Variants in GMDS observed in about 807,000 individuals in gnomAD.
GMDS encodes the protein GDP-mannose 4,6 dehydratase.
In GMDS, 20 loss-of-function variants were observed where a neutral mutation model predicts 49.9. The ratio of observed to expected loss-of-function variants is 0.40; its 90% CI spans 0.28 to 0.58. The LOEUF is 0.58. Ranked by LOEUF, GMDS falls within the 20% of genes least tolerant of loss-of-function variation. The pLI is 0.42. For synonymous variants in GMDS, 177 were observed against 178.6 expected (o/e 0.99, Z 0.07); for missense variants, 362 against 481.4 (o/e 0.75, Z 2.32).
At chr6:1,636,291 T>C (rs924941464) in intron 9 of GMDS, among the ~76,000 whole-genome samples, 3 of 152,160 alleles carry the variant, frequency 2.0e-5, no homozygotes, top group Non-Finnish European at 2.9e-5. Context: ...CTAAAAAGCC[T>C]GTTGGCGTAG....
intron 9 of GMDS, among the ~76,000 whole-genome samples, chr6:1,714,916 G>A (rs1766119182): frequency 6.6e-6 from 1 of 152,240 alleles, no homozygotes. Context: ...GCTGTAATAT[G>A]GCATCACCAG....
At chr6:2,004,239 C>T (rs1767013423) in intron 4 of GMDS, among the ~76,000 whole-genome samples, 1 of 152,122 alleles carries the variant, frequency 6.6e-6, no homozygotes, top group African/African-American at 2.4e-5. Context: ...ACGCCTACAG[C>T]CTAAAAGGAG....
Position 1,640,540 on chromosome 6 carries a change from C to T in GMDS, c.988-16000G>A, listed in dbSNP as rs1297502240. Among the ~76,000 whole-genome samples, 7 of 152,182 alleles carry T rather than the reference C, an allele frequency of 4.6e-5. No individual in the cohort carries two copies. Among genetic ancestry groups the T allele is most frequent in the African/African-American group, 1.2e-4 (5 of 41,436 alleles). On this transcript the variant is annotated intron_variant, in intron 9 of 10. Coordinates refer to ENST00000380815, the MANE Select transcript of GMDS (RefSeq NM_001500.4). This position sits in a 1 kb window ranked among gnomAD's most constrained non-coding sequence, Gnocchi z 4.0. The stretch of plus-strand genomic sequence containing the variant: ...CGGCTCTCTGAGGCTATCCCATGCC[C>T]GTGGAACATGCTGGATGTGGCTGTG...
chr6:1,983,369 G>C (rs543392678), intron 4 of GMDS, among the ~76,000 whole-genome samples: 1 of 152,172 alleles, frequency 6.6e-6, no homozygotes, highest in African/African-American at 2.4e-5. Flanking sequence ...AAAAGCAAAA[G>C]TTGAGAAATT....
At chr6:2,143,348 G>A (rs908110272) in intron 1 of GMDS, among the ~76,000 whole-genome samples, 4 of 152,046 alleles carry the variant, frequency 2.6e-5, no homozygotes, top group African/African-American at 9.7e-5. Context: ...AGAGCCACAC[G>A]GGCTCTCCTT....
At chr6:1,825,892 T>G (rs548323051) in intron 7 of GMDS, among the ~76,000 whole-genome samples, 3 of 152,156 alleles carry the variant, frequency 2.0e-5, no homozygotes, top group Non-Finnish European at 4.4e-5. Context: ...GGCATGCACA[T>G]GTAATCCCAG....
intron 2 of GMDS, among the ~76,000 whole-genome samples, chr6:2,122,927 CA>C (rs1775220460): frequency 6.6e-6 from 1 of 152,170 alleles, no homozygotes; most frequent in African/African-American, 2.4e-5. Context: ...TATGATTTGC[CA>C]AGTGGGCCTT....
intron 2 of GMDS, among the ~76,000 whole-genome samples, chr6:2,121,856 A>G (rs9501804): frequency 0.023 from 3,442 of 152,256 alleles, 128 homozygotes; most frequent in African/African-American, 0.078. Context: ...GCTCTCCTGC[A>G]TGCTCCCCTC....
At chr6:2,155,740 T>C (rs1371847568) in intron 1 of GMDS, among the ~76,000 whole-genome samples, 2 of 152,176 alleles carry the variant, frequency 1.3e-5, no homozygotes, top group Non-Finnish European at 2.9e-5. Context: ...GATACCAGTT[T>C]CCTCTTAAGC....
At chr6:1,660,057 C>T (rs1331105499) in intron 9 of GMDS, among the ~76,000 whole-genome samples, 3 of 151,922 alleles carry the variant, frequency 2.0e-5, no homozygotes, top group South Asian at 2.1e-4. Flanking sequence ...TCCCCAGCCG[C>T]GGACCTGCTT....
rs529539403 is a variant in GMDS at position 2,209,079 on chromosome 6, A to G, written c.102+36242T>C. On this transcript the variant is annotated intron_variant, in intron 1 of 10. Coordinates refer to ENST00000380815, the MANE Select transcript of GMDS (RefSeq NM_001500.4). ...CACATGGTTAAGTGTTCAGCAGGGC[A>G]TTGCAAAATAAAAAAAGAAATCAAG... is the stretch of plus-strand genomic sequence containing the variant. Among the ~76,000 whole-genome samples, 195 of 152,286 alleles carry G rather than the reference A, an allele frequency of 1.3e-3. 1 individual carries two copies. The highest frequency in any genetic ancestry group is 4.6e-3 in the African/African-American group (190 of 41,562).
At chr6:2,017,200 G>A (rs1003416708) in intron 4 of GMDS, among the ~76,000 whole-genome samples, 1 of 151,886 alleles carries the variant, frequency 6.6e-6, no homozygotes, top group African/African-American at 2.4e-5. Flanking sequence ...AGAGGAGCGT[G>A]GACACAAGAC....
intron 7 of GMDS, among the ~76,000 whole-genome samples, chr6:1,810,629 C>T (rs976945588): frequency 2.6e-5 from 4 of 151,930 alleles, no homozygotes; most frequent in South Asian, 2.1e-4. Context: ...GTGAAAGAGG[C>T]GTGAAGAGCC....
At chr6:2,055,181 C>A (rs1419950209) in intron 4 of GMDS, among the ~76,000 whole-genome samples, 1 of 150,296 alleles carries the variant, frequency 6.7e-6, no homozygotes, top group Non-Finnish European at 1.5e-5. Context: ...GAAAATGTAT[C>A]AAACAAAATG....
intron 9 of GMDS, among the ~76,000 whole-genome samples, chr6:1,638,274 G>A (rs1184985026): frequency 6.6e-5 from 10 of 152,126 alleles, no homozygotes; most frequent in Admixed American, 6.5e-4. Flanking sequence ...TGCCGCCCTG[G>A]GTTTAGAGCA....
intron 4 of GMDS, among the ~76,000 whole-genome samples, chr6:2,034,715 G>A (rs1032113035): frequency 3.3e-5 from 5 of 152,148 alleles, no homozygotes; most frequent in African/African-American, 4.8e-5. Flanking sequence ...GGGTGTCTGC[G>A]AAGCCAAAAC....
rs1168794345 is a variant in GMDS at position 2,115,854 on chromosome 6, T to C, written c.262A>G (p.Thr88Ala). The C allele has an allele frequency of 1.2e-6, 2 of 1,603,948 alleles. No individual in the cohort carries two copies. The highest frequency in any genetic ancestry group is 2.7e-5 in the African/African-American group (2 of 74,690). The change falls in exon 4 of 11, where the codon ACT (threonine) becomes GCT (alanine). Residue 88 changes from threonine (T) to alanine (A), a missense_variant. Physicochemically the swap from Thr to Ala is moderately conservative, Grantham distance 58 (BLOSUM62 0). Transcript: ENST00000380815. ...GNMKLHYGDL[T>A]DSTCLVKIIN... ...ATCTTCACAAGGCAGGTACTGTCAG[T>C]GAGATCGCCATAGTGCAACTTCATG...
At chr6:1,810,527 C>A (rs1294907692) in intron 7 of GMDS, among the ~76,000 whole-genome samples, 1 of 152,112 alleles carries the variant, frequency 6.6e-6, no homozygotes, top group Non-Finnish European at 1.5e-5. Flanking sequence ...AGGTGATCCA[C>A]CTGCCTCGGC....
intron 6 of GMDS, among the ~76,000 whole-genome samples, chr6:1,957,183 C>T (rs1763685912): frequency 6.6e-6 from 1 of 152,186 alleles, no homozygotes; most frequent in Admixed American, 6.5e-5. Context: ...TTCTACTTTT[C>T]TGTAATTCAG....
Sources: gnomAD v4.1 joint callset for allele counts (sites outside exome capture counted in the v4.1 genomes callset) on GRCh38, gnomAD v4.1.1 for gene constraint, Gnocchi (gnomAD v3.1) non-coding constraint, MANE v1.5 for transcripts, NCBI Gene and HGNC (gene_info 2026-07-23, HGNC 2026-07-21) for gene names.